Variants in PRR5L observed in about 807,000 individuals in gnomAD.
PRR5L encodes proline-rich protein 5-like.
A neutral mutation model predicts 36.4 loss-of-function variants in PRR5L; 21 were observed. That is an observed-to-expected ratio of 0.58 (90% CI 0.41 to 0.83). The LOEUF (loss-of-function observed/expected upper bound fraction) is 0.83. PRR5L is among the 40% of genes least tolerant of loss of function. PRR5L has a pLI of 0.00. For missense variants in PRR5L, 381 were observed against 473.3 expected, an observed-to-expected ratio of 0.80 and a Z score of 1.81; for synonymous variants, 188 against 197.0, an observed-to-expected ratio of 0.95 and a Z score of 0.38.
At chr11:36,327,758 C>G (rs775312268) in intron 1 of PRR5L, among the ~76,000 whole-genome samples, 1 of 152,326 alleles carries the variant, frequency 6.6e-6, no homozygotes, top group African/African-American at 2.4e-5. Flanking sequence ...TCTATTGACT[C>G]CAGGTCTTTA....
At chr11:36,303,586 T>G (rs376923879) in intron 1 of PRR5L, among the ~76,000 whole-genome samples, 1 of 152,164 alleles carries the variant, frequency 6.6e-6, no homozygotes, top group Non-Finnish European at 1.5e-5. Flanking sequence ...AGATCATTCC[T>G]TTATCCTGAC....
intron 1 of PRR5L, among the ~76,000 whole-genome samples, chr11:36,317,708 G>T (rs1856571841): frequency 6.6e-6 from 1 of 152,194 alleles, no homozygotes; most frequent in Non-Finnish European, 1.5e-5. Context: ...TTCATGAGCA[G>T]TGTGATGTGA....
In PRR5L at chr11:36,370,806, C is replaced by T. The variant is rs188823547; in HGVS notation, c.-125-30191C>T. ...TGAGGCAGGAGAATCACTTGAACCC[C>T]GGAGGTGGAGGTTGCAGTGAGGCAA... On this transcript the variant is annotated intron_variant, in intron 1 of 8. Coordinates refer to ENST00000530639, the MANE Select transcript of PRR5L (RefSeq NM_001160167.2). 3.5e-4 allele frequency among the ~76,000 whole-genome samples: 49 copies of T among 141,772 alleles called. 1 individual carries two copies. The East Asian group carries it at 0.01, about 29-fold the overall frequency. 93.0% of individuals were successfully genotyped at this position (141,772 alleles called of 152,430 possible). A position where few individuals can be genotyped will look rare whatever the true frequency, so the allele number is the denominator to read the frequency against.
chr11:36,296,446 A>G lies in PRR5L; in HGVS notation c.-126+8A>G, dbSNP rs1370777404. Reference sequence around the variant, plus strand: ...AAGAAGAAACCAGACCAGGTAACACAAGAGAGACAATGAGAGCTTGGGGCT... The same window carrying G: ...AAGAAGAAACCAGACCAGGTAACACGAGAGAGACAATGAGAGCTTGGGGCT... On this transcript the variant is annotated splice_region_variant and intron_variant, in intron 1 of 8. Coordinates refer to ENST00000530639, the MANE Select transcript of PRR5L (RefSeq NM_001160167.2). The G allele has an allele frequency of 6.6e-6, 1 of 152,178 alleles. No individual in the cohort carries two copies. The highest frequency in any genetic ancestry group is 6.5e-5 in the Admixed American group (1 of 15,268). 9.4% of individuals were successfully genotyped at this position (152,178 alleles called of 1,614,324 possible).
chr11:36,375,395 C>T (rs1187064332), intron 1 of PRR5L, among the ~76,000 whole-genome samples: 1 of 151,970 alleles, frequency 6.6e-6, no homozygotes, highest in Non-Finnish European at 1.5e-5. Flanking sequence ...AATGAGACAC[C>T]CAGAACTTCT....
At chr11:36,380,210 A>G (rs1319481310) in intron 1 of PRR5L, among the ~76,000 whole-genome samples, 1 of 152,160 alleles carries the variant, frequency 6.6e-6, no homozygotes, top group East Asian at 1.9e-4. Flanking sequence ...GATAATTCTG[A>G]CAGTAGTGAT....
At chr11:36,325,055 C>T (rs994930715) in intron 1 of PRR5L, among the ~76,000 whole-genome samples, 1 of 152,154 alleles carries the variant, frequency 6.6e-6, no homozygotes, top group Non-Finnish European at 1.5e-5. Flanking sequence ...TCGCTTCCAA[C>T]ATGGTGGCAA....
intron 1 of PRR5L, among the ~76,000 whole-genome samples, chr11:36,383,062 G>T (rs996943796): frequency 3.3e-5 from 5 of 152,120 alleles, no homozygotes; most frequent in Non-Finnish European, 7.4e-5. Context: ...GACCACACAG[G>T]CAAGTTGCTT....
At chr11:36,356,206 C>T (rs1857026355) in intron 1 of PRR5L, among the ~76,000 whole-genome samples, 1 of 152,104 alleles carries the variant, frequency 6.6e-6, no homozygotes, top group Non-Finnish European at 1.5e-5. Flanking sequence ...GCCACCATGC[C>T]CAGCCAACAC....
rs189885278 is a variant in PRR5L, at chr11:36,416,470, C to T, written c.246-2785C>T. Among the ~76,000 whole-genome samples the T allele has an allele frequency of 1.7e-3, 258 of 152,312 alleles. 1 individual carries two copies. The highest frequency in any genetic ancestry group is 3.0e-3 in the Non-Finnish European group (204 of 68,026). ...CATTTAAAGTATATAAAGCAGATTA[C>T]CACATCGTGTCTGGTTCCTCCTCAG... On this transcript the variant is annotated intron_variant, in intron 3 of 8. Coordinates refer to ENST00000530639, the MANE Select transcript of PRR5L (RefSeq NM_001160167.2).
intron 1 of PRR5L, among the ~76,000 whole-genome samples, chr11:36,399,020 A>G (rs76741620): frequency 0.025 from 3,861 of 152,322 alleles, 78 homozygotes; most frequent in South Asian, 0.035. Flanking sequence ...CTGTCTTAGT[A>G]GTGTGACCTT....
intron 6 of PRR5L, among the ~76,000 whole-genome samples, chr11:36,444,096 A>C (rs1858778987): frequency 6.6e-6 from 1 of 152,000 alleles, no homozygotes; most frequent in South Asian, 2.1e-4. Flanking sequence ...ATATGTTTGA[A>C]ACACACACAC....
At chr11:36,309,647 G>A (rs985292249) in intron 1 of PRR5L, among the ~76,000 whole-genome samples, 2 of 151,354 alleles carry the variant, frequency 1.3e-5, no homozygotes, top group African/African-American at 4.9e-5. Flanking sequence ...GTGGTAGTGG[G>A]GATGATGATG....
chr11:36,317,904 T>C (rs2133460887), intron 1 of PRR5L, among the ~76,000 whole-genome samples: 1 of 152,338 alleles, frequency 6.6e-6, no homozygotes, highest in South Asian at 2.1e-4. Flanking sequence ...AGTCTAGATA[T>C]GAGAATTTAG....
At chr11:36,396,157 C>A (rs1236226099) in intron 1 of PRR5L, 1 of 152,192 alleles carries the variant, frequency 6.6e-6, no homozygotes, top group Non-Finnish European at 1.5e-5. Context: ...AACAGTGAGC[C>A]AGGCGTGAGT....
intron 1 of PRR5L, among the ~76,000 whole-genome samples, chr11:36,299,850 C>T (rs560613932): frequency 2.0e-5 from 3 of 152,116 alleles, no homozygotes; most frequent in South Asian, 4.1e-4. Context: ...AAAATGTTTT[C>T]TTCTTAGCAG....
intron 1 of PRR5L, among the ~76,000 whole-genome samples, chr11:36,359,213 C>T (rs562160538): frequency 7.2e-5 from 11 of 152,274 alleles, no homozygotes; most frequent in East Asian, 3.9e-4. Context: ...GTCCTTTGTA[C>T]GTGAAGCGGT....
At chr11:36,339,126 G>A (rs979608759) in intron 1 of PRR5L, among the ~76,000 whole-genome samples, 9 of 152,180 alleles carry the variant, frequency 5.9e-5, no homozygotes, top group African/African-American at 2.2e-4. Context: ...TTTGTAAATT[G>A]CCCAGTCTCA....
rs180818573 is a variant in PRR5L at position 36,332,447 on chromosome 11, C to T, written c.-126+36009C>T. Among the ~76,000 whole-genome samples the T allele has an allele frequency of 6.6e-5, 10 of 152,282 alleles. 1 individual carries two copies. Among genetic ancestry groups the T allele is most frequent in the African/African-American group, 2.4e-4 (10 of 41,552 alleles). ...GCATTAAATAAGCCTTGTTCTGAGA[C>T]CCTGTTAATCTACTATATAACCTGA... On this transcript the variant is annotated intron_variant, in intron 1 of 8. Coordinates refer to ENST00000530639, the MANE Select transcript of PRR5L (RefSeq NM_001160167.2).
Sources: gnomAD v4.1 joint callset for allele counts (sites outside exome capture counted in the v4.1 genomes callset) on GRCh38, gnomAD v4.1.1 for gene constraint, MANE v1.5 for transcripts, NCBI Gene and HGNC (gene_info 2026-07-23, HGNC 2026-07-21) for gene names.